RALYL: variants seen among roughly 807,000 people sequenced by gnomAD.
RALYL encodes the protein RALY RNA binding protein like, also known as RNA-binding Raly-like protein.
RALYL carries 29 observed loss-of-function variants against 35.1 expected under a neutral mutation model. That is an observed-to-expected ratio of 0.83 (90% CI 0.61 to 1.13). The LOEUF is 1.13. Among genes scored for constraint, RALYL ranks in the 50% most tolerant of loss-of-function variants. The pLI is 0.00. For synonymous variants in RALYL, 120 were observed against 127.6 expected, an observed-to-expected ratio of 0.94 and a Z score of 0.40; for missense variants, 359 against 360.4, an observed-to-expected ratio of 1.00 and a Z score of 0.03.
intron 1 of RALYL, among the ~76,000 whole-genome samples, chr8:84,289,482 A>C (rs1303318305): frequency 1.3e-5 from 2 of 152,156 alleles, no homozygotes; most frequent in African/African-American, 4.8e-5. Flanking sequence ...TGGCTAGGTG[A>C]GTGCAAGAAT....
chr8:84,225,863 T>C (rs1823750886), intron 1 of RALYL, among the ~76,000 whole-genome samples: 1 of 152,234 alleles, frequency 6.6e-6, no homozygotes, highest in Non-Finnish European at 1.5e-5. Context: ...TATTGTATTA[T>C]TATCACTCAG....
At chr8:84,705,080 G>C (rs559682920) in intron 2 of RALYL, among the ~76,000 whole-genome samples, 4 of 152,124 alleles carry the variant, frequency 2.6e-5, no homozygotes, top group African/African-American at 9.7e-5. Flanking sequence ...GCACCCAAAG[G>C]TGTCTTTGAA....
chr8:84,732,688 A>T (rs1846461761), intron 2 of RALYL, among the ~76,000 whole-genome samples: 1 of 144,132 alleles, frequency 6.9e-6, no homozygotes, highest in African/African-American at 2.8e-5. Context: ...ATATATACAC[A>T]CACACACACA....
At chr8:84,740,463 T>C (rs1280579622) in intron 2 of RALYL, among the ~76,000 whole-genome samples, 2 of 152,036 alleles carry the variant, frequency 1.3e-5, no homozygotes, top group African/African-American at 4.8e-5. Flanking sequence ...TATTTTTCCC[T>C]TTTTCCTAAT....
chr8:84,316,352 T>C (rs1049340701), intron 1 of RALYL, among the ~76,000 whole-genome samples: 1 of 152,136 alleles, frequency 6.6e-6, no homozygotes, highest in Non-Finnish European at 1.5e-5. Context: ...TTATTATACT[T>C]TTCTCAAAGT....
At chr8:84,799,311 A>G (rs1482182687) in intron 3 of RALYL, among the ~76,000 whole-genome samples, 1 of 152,228 alleles carries the variant, frequency 6.6e-6, no homozygotes, top group African/African-American at 2.4e-5. Context: ...GTGCCTTATA[A>G]GAAAATACTT....
At chr8:84,481,239 A>AT (rs527502212) in intron 1 of RALYL, among the ~76,000 whole-genome samples, 16 of 152,144 alleles carry the variant, frequency 1.1e-4, no homozygotes, top group South Asian at 6.2e-4. Flanking sequence ...TAGAAATACA[A>AT]TTTTTTTTGT....
intron 2 of RALYL, among the ~76,000 whole-genome samples, chr8:84,613,039 G>A (rs769694274): frequency 2.0e-5 from 3 of 151,638 alleles, no homozygotes; most frequent in Non-Finnish European, 2.9e-5. Flanking sequence ...GATTGCAGAA[G>A]CTCTTGAAAA....
At chr8:84,635,588 C>CA (rs200652713) in intron 2 of RALYL, among the ~76,000 whole-genome samples, 172 of 149,938 alleles carry the variant, frequency 1.1e-3, no homozygotes, top group Non-Finnish European at 1.7e-3. Flanking sequence ...GAGAGATTTA[C>CA]AAAAAAAAAT....
intron 2 of RALYL, among the ~76,000 whole-genome samples, chr8:84,583,807 A>G (rs1262581845): frequency 1.3e-5 from 2 of 152,186 alleles, no homozygotes; most frequent in Admixed American, 6.5e-5. Context: ...CCTTGCAACA[A>G]CGTTGAGATG....
chr8:84,802,332 G>C (rs144053953), intron 3 of RALYL, among the ~76,000 whole-genome samples: 1 of 152,166 alleles, frequency 6.6e-6, no homozygotes, highest in Admixed American at 6.5e-5. Flanking sequence ...AGGGTGAGCA[G>C]GATTTGGCCA....
chr8:84,742,443 G>A (rs1807596679), intron 2 of RALYL, among the ~76,000 whole-genome samples: 1 of 151,692 alleles, frequency 6.6e-6, no homozygotes, highest in Admixed American at 6.6e-5. Flanking sequence ...GAAGTTAGTT[G>A]GACCAAAAAA....
intron 1 of RALYL, among the ~76,000 whole-genome samples, chr8:84,297,079 G>T (rs1202822354): frequency 6.6e-6 from 1 of 151,854 alleles, no homozygotes; most frequent in Non-Finnish European, 1.5e-5. Context: ...TTTAGGGTCA[G>T]GGTTTCATGT....
chr8:84,886,001 C>T (rs1358912979), intron 7 of RALYL, among the ~76,000 whole-genome samples: 3 of 152,068 alleles, frequency 2.0e-5, no homozygotes, highest in Non-Finnish European at 2.9e-5. Flanking sequence ...GGACCTGCCC[C>T]GAACAAATGG....
intron 2 of RALYL, among the ~76,000 whole-genome samples, chr8:84,569,515 A>T: frequency 6.6e-6 from 1 of 151,286 alleles, no homozygotes; most frequent in Non-Finnish European, 1.5e-5. Flanking sequence ...ATTTGCAAAT[A>T]TTTTCTCTCA....
At chr8:84,567,977 A>G (rs1199559195) in intron 2 of RALYL, among the ~76,000 whole-genome samples, 1 of 151,232 alleles carries the variant, frequency 6.6e-6, no homozygotes, top group African/African-American at 2.4e-5. Context: ...CATTCTTTTC[A>G]TGTGTTTGTT....
At chr8:84,809,147 T>C (rs1353540945) in intron 4 of RALYL, among the ~76,000 whole-genome samples, 3 of 152,170 alleles carry the variant, frequency 2.0e-5, no homozygotes, top group South Asian at 2.1e-4. Flanking sequence ...GGGTTTTTCA[T>C]AGATGGCTTT....
At chr8:84,658,712 A>G (rs1386142581) in intron 2 of RALYL, among the ~76,000 whole-genome samples, 2 of 152,062 alleles carry the variant, frequency 1.3e-5, no homozygotes, top group African/African-American at 4.8e-5. Context: ...AAAGATATAA[A>G]TAAGGAAAAG....
intron 4 of RALYL, among the ~76,000 whole-genome samples, chr8:84,844,963 T>C (rs915552580): frequency 3.3e-5 from 5 of 150,930 alleles, no homozygotes; most frequent in Non-Finnish European, 5.9e-5. Flanking sequence ...CACCAGGGCC[T>C]GTTGTGGGGT....
Sources: allele counts gnomAD v4.1 joint callset (sites outside exome capture counted in the v4.1 genomes callset), GRCh38; gene constraint gnomAD v4.1.1; transcripts MANE v1.5; gene names NCBI Gene and HGNC (gene_info 2026-07-23, HGNC 2026-07-21).